CD247: variants seen among roughly 807,000 people sequenced by gnomAD.
CD247 encodes CD247 molecule.
A neutral mutation model predicts 30.0 loss-of-function variants in CD247; 13 were observed. The observed-to-expected ratio is 0.43, with a 90% confidence interval of 0.28 to 0.69. CD247 has a LOEUF of 0.69. CD247 is among the 30% of genes least tolerant of loss of function. CD247 has a pLI of 0.16. For synonymous variants in CD247, 72 were observed against 80.0 expected (o/e 0.90, Z 0.53); for missense variants, 193 against 212.6 (o/e 0.91, Z 0.57).
At chr1:167,449,149 C>CTTTTTTTTTTTTTTTT (rs71097676) in intron 1 of CD247, among the ~76,000 whole-genome samples, 12 of 66,420 alleles carry the variant, frequency 1.8e-4, no homozygotes, top group Non-Finnish European at 2.7e-4. Context: ...TTTTTCTTTT[C>CTTTTTTTTTTTTTTTT]TTTTTTTTTT....
intron 1 of CD247, among the ~76,000 whole-genome samples, chr1:167,476,059 T>C (rs2102056572): frequency 6.6e-6 from 1 of 151,318 alleles, no homozygotes; most frequent in East Asian, 2.0e-4. Context: ...ATATGTAGTT[T>C]ATTATATTAT....
intron 1 of CD247, among the ~76,000 whole-genome samples, chr1:167,512,745 A>T (rs1571605791): frequency 6.6e-6 from 1 of 152,206 alleles, no homozygotes; most frequent in Non-Finnish European, 1.5e-5. Context: ...TCCACTCCAC[A>T]GTCCCCTGCG....
In CD247 at chr1:167,494,261, A is replaced by AG. The variant is rs1250004596; in HGVS notation, c.58+24146dup. Among the ~76,000 whole-genome samples, 5 of 152,208 alleles carry AG rather than the reference A, an allele frequency of 3.3e-5. No individual in the cohort carries two copies. Among genetic ancestry groups the AG allele is most frequent in the Non-Finnish European group, 5.9e-5 (4 of 68,046 alleles). On this transcript the variant is annotated intron_variant, in intron 1 of 7. Coordinates refer to ENST00000362089, the MANE Select transcript of CD247 (RefSeq NM_198053.3). The surrounding 1 kb of genome is among the most constrained non-coding windows in gnomAD (Gnocchi z 7.3). ...ATGGCCATGATCAATTCGGATCCCC[A>AG]GGGCCAGTTCAGCAAAACCTCTGTC...
rs1168804640 is a variant in CD247, at chr1:167,518,469, G to A, written c.-4C>T. 6.2e-7 allele frequency: 1 copy of A among 1,613,830 alleles called. No individual in the cohort carries two copies. Among genetic ancestry groups the A allele is most frequent in the African/African-American group, 1.3e-5 (1 of 74,930 alleles). On this transcript the variant is annotated 5_prime_UTR_variant, in exon 1 of 8. Coordinates refer to ENST00000362089, the MANE Select transcript of CD247 (RefSeq NM_198053.3). The stretch of plus-strand genomic sequence containing the variant: ...TGAAAAGCGCCTTCCACTTCATCTT[G>A]TCCTTTCCCTCAGAAAGAGGCTGGG...
In CD247 at chr1:167,494,797, C is replaced by T. The variant is rs1654613964; in HGVS notation, c.58+23611G>A. 6.6e-6 allele frequency among the ~76,000 whole-genome samples: 1 copy of T among 152,152 alleles called. No homozygotes were observed. Among genetic ancestry groups the T allele is most frequent in the South Asian group, 2.1e-4 (1 of 4,826 alleles). On this transcript the variant is annotated intron_variant, in intron 1 of 7. Coordinates refer to ENST00000362089, the MANE Select transcript of CD247 (RefSeq NM_198053.3). The surrounding 1 kb of genome is among the most constrained non-coding windows in gnomAD (Gnocchi z 7.3). ...CTCATCAAAAACCAAGCATGAGAGG[C>T]AAGACAATTATTACCTCAGATCACA...
At chr1:167,442,624 G>A (rs921234402) in intron 1 of CD247, among the ~76,000 whole-genome samples, 1 of 152,076 alleles carries the variant, frequency 6.6e-6, no homozygotes, top group African/African-American at 2.4e-5. Context: ...CCCCCTTCCT[G>A]CCCCTGGGCC....
chr1:167,502,630 T>C (rs941311403), intron 1 of CD247, among the ~76,000 whole-genome samples: 2 of 152,226 alleles, frequency 1.3e-5, no homozygotes, highest in African/African-American at 4.8e-5. Context: ...GAATGTCACC[T>C]TATTTGGAAA....
intron 1 of CD247, among the ~76,000 whole-genome samples, chr1:167,469,476 G>A (rs887298253): frequency 7.2e-5 from 11 of 152,206 alleles, no homozygotes; most frequent in Non-Finnish European, 1.2e-4. Context: ...TTACTTCCCA[G>A]TATGCTTAAG....
chr1:167,515,463 A>G (rs1400616260), intron 1 of CD247, among the ~76,000 whole-genome samples: 1 of 152,244 alleles, frequency 6.6e-6, no homozygotes, highest in Non-Finnish European at 1.5e-5. Flanking sequence ...TGGCACTGAG[A>G]AGTAAAAAAA....
intron 5 of CD247, 164 bp from the exon 6 acceptor site, chr1:167,434,240 C>T (rs1404508701): frequency 5.7e-6 from 4 of 705,438 alleles, no homozygotes; most frequent in Non-Finnish European, 1.0e-5. Flanking sequence ...CTTCTCTGCC[C>T]ACAACCAGCT....
At chr1:167,477,594 A>T (rs921842285) in intron 1 of CD247, among the ~76,000 whole-genome samples, 1 of 152,094 alleles carries the variant, frequency 6.6e-6, no homozygotes, top group African/African-American at 2.4e-5. Flanking sequence ...AGCACAGCAG[A>T]TCGTAGCTCA....
chr1:167,516,712 A>G (rs1417321378), intron 1 of CD247, among the ~76,000 whole-genome samples: 7 of 152,156 alleles, frequency 4.6e-5, no homozygotes, highest in African/African-American at 1.7e-4. Context: ...CAGTCTCCAT[A>G]GAGGCAAAGT....
intron 1 of CD247, among the ~76,000 whole-genome samples, chr1:167,516,345 A>G (rs1345117258): frequency 6.6e-6 from 1 of 152,268 alleles, no homozygotes; most frequent in African/African-American, 2.4e-5. Flanking sequence ...ATTCTCTCTC[A>G]GGGAGGCCTC....
At chr1:167,492,380 C>G (rs555099787) in intron 1 of CD247, among the ~76,000 whole-genome samples, 20 of 152,298 alleles carry the variant, frequency 1.3e-4, no homozygotes, top group Non-Finnish European at 2.1e-4. Context: ...GACCTTGCCT[C>G]TCTATTATTC....
intron 1 of CD247, among the ~76,000 whole-genome samples, chr1:167,473,719 C>T (rs759824597): frequency 1.3e-5 from 2 of 152,156 alleles, no homozygotes; most frequent in Non-Finnish European, 2.9e-5. Context: ...TATAGAAACC[C>T]CTCACCTAAG....
intron 1 of CD247, among the ~76,000 whole-genome samples, chr1:167,509,078 AAATC>A: frequency 6.6e-6 from 1 of 152,192 alleles, no homozygotes; most frequent in Non-Finnish European, 1.5e-5. Flanking sequence ...CAGATATTAA[AAATC>A]ATGGCTGGGC....
chr1:167,501,033 C>T (rs1356105353), intron 1 of CD247, among the ~76,000 whole-genome samples: 3 of 150,182 alleles, frequency 2.0e-5, no homozygotes, highest in Admixed American at 6.6e-5. Context: ...CCCAGCCATC[C>T]GACTTCTGAT....
At position 167,496,933 on chromosome 1, in the gene CD247, G is replaced by A. The variant is rs149160838; in HGVS notation, c.58+21475C>T. On this transcript the variant is annotated intron_variant, in intron 1 of 7. Transcript: ENST00000362089. The stretch of plus-strand genomic sequence containing the variant: ...GGTGATGAAAAAAGCAGGCCCCGGA[G>A]AGCGGGGACACTGACAGTGAGGGGA... 9.2e-5 allele frequency among the ~76,000 whole-genome samples: 14 copies of A among 152,256 alleles called. 1 individual carries two copies. The highest frequency in any genetic ancestry group is 2.1e-4 in the Non-Finnish European group (14 of 68,028).
intron 1 of CD247, among the ~76,000 whole-genome samples, chr1:167,518,123 C>T (rs1394707926): frequency 2.0e-5 from 3 of 152,182 alleles, no homozygotes; most frequent in African/African-American, 7.2e-5. Flanking sequence ...GCCTCGGTTG[C>T]TCTCTTGCTT....
Sources: allele counts gnomAD v4.1 joint callset (sites outside exome capture counted in the v4.1 genomes callset), GRCh38; gene constraint gnomAD v4.1.1; non-coding constraint Gnocchi (gnomAD v3.1); transcripts MANE v1.5; gene names NCBI Gene and HGNC (gene_info 2026-07-23, HGNC 2026-07-21).